The following INTS12 variants were observed in gnomAD, a reference collection of about 807,000 sequenced individuals.
INTS12 encodes the protein PHD finger protein 22.
INTS12 carries 13 observed loss-of-function variants against 41.6 expected under a neutral mutation model. The ratio of observed to expected loss-of-function variants is 0.31; its 90% CI spans 0.20 to 0.50. INTS12 has a LOEUF of 0.50. Ranked by LOEUF, INTS12 falls within the 20% of genes least tolerant of loss-of-function variation. The pLI, the probability that INTS12 is intolerant of heterozygous loss-of-function variation, is 0.98. For missense variants in INTS12, 432 were observed against 541.6 expected (o/e 0.80, Z 2.01); for synonymous variants, 199 against 191.4 (o/e 1.04, Z -0.33).
At position 105,683,292 on chromosome 4, in the gene INTS12, G is replaced by C; in HGVS notation, c.830C>G (p.Ser277Cys). Residue 277 changes from serine to cysteine, a missense_variant, in exon 8 of 8, where the codon TCT becomes TGT. Ser to Cys is a moderately radical substitution (Grantham distance 112). This residue lies in a region of INTS12 where 258 missense variants were observed against 309.9 expected (regional missense o/e 0.83). Transcript: ENST00000340139. Reference protein sequence around the residue: ...VKTSTVISGNSSSASVSSSVT... With the variant: ...VKTSTVISGNCSSASVSSSVT... The stretch of plus-strand genomic sequence containing the variant: ...TGACGAGGAAACGCTGGCACTAGAA[G>C]AATTTCCTGAAATAACTGTGGATGT... 6.2e-7 allele frequency: 1 copy of C among 1,611,646 alleles called. No individual in the cohort carries two copies. Among genetic ancestry groups the C allele is most frequent in the Middle Eastern group, 1.7e-4 (1 of 6,028 alleles).
rs1578390399 is a variant in INTS12, at chr4:105,700,175, T to C, written c.-9-161A>G. The C allele has an allele frequency of 3.6e-5, 15 of 416,624 alleles. No homozygotes were observed. In the East Asian group the frequency reaches 5.7e-4, roughly 16 times the overall value. 25.8% of individuals were successfully genotyped at this position (416,624 alleles called of 1,614,324 possible). A position where few individuals can be genotyped will look rare whatever the true frequency, so the allele number is the denominator to read the frequency against. ...TTACAAATAAAAGTAAATTTCCTTC[T>C]TATTCCTGACAGGCATTATCTAGTT... On this transcript the variant is annotated intron_variant, in intron 2 of 7. Transcript: ENST00000340139.
At chr4:105,684,655 T>C (rs1731441351) in intron 7 of INTS12, among the ~76,000 whole-genome samples, 1 of 152,162 alleles carries the variant, frequency 6.6e-6, no homozygotes, top group Non-Finnish European at 1.5e-5. Context: ...AACTATCTTA[T>C]GAAGTTATCC....
At chr4:105,683,745 C>T (rs963446863) in intron 7 of INTS12, among the ~76,000 whole-genome samples, 1 of 151,824 alleles carries the variant, frequency 6.6e-6, no homozygotes, top group Non-Finnish European at 1.5e-5. Context: ...GCAAAAATGC[C>T]CATACCCAGA....
intron 6 of INTS12, among the ~76,000 whole-genome samples, chr4:105,690,468 G>T (rs1401599111): frequency 6.6e-6 from 1 of 151,888 alleles, no homozygotes; most frequent in South Asian, 2.1e-4. Context: ...CATATAAGAG[G>T]TAGAATTAGC....
intron 7 of INTS12, among the ~76,000 whole-genome samples, chr4:105,686,008 G>A (rs1249507375): frequency 6.6e-6 from 1 of 152,214 alleles, no homozygotes; most frequent in East Asian, 1.9e-4. Context: ...CTCAAGTAGT[G>A]TGGGGAGCAA....
intron 2 of INTS12, among the ~76,000 whole-genome samples, chr4:105,701,233 C>CTTT (rs57389075): frequency 7.5e-6 from 1 of 132,810 alleles, no homozygotes; most frequent in Non-Finnish European, 1.6e-5. Flanking sequence ...CATCCCTAGG[C>CTTT]TTTTTTTTTT....
At chr4:105,707,646 T>A (rs1372477843) in intron 1 of INTS12, among the ~76,000 whole-genome samples, 2 of 152,222 alleles carry the variant, frequency 1.3e-5, no homozygotes, top group African/African-American at 2.4e-5. Context: ...AATGTTCCTA[T>A]CTGTAAAATT....
At chr4:105,706,978 CT>C (rs1732294093) in intron 1 of INTS12, among the ~76,000 whole-genome samples, 2 of 152,022 alleles carry the variant, frequency 1.3e-5, no homozygotes, top group Admixed American at 1.3e-4. Context: ...AAAATTCTTG[CT>C]GAGAAGTTAG....
chr4:105,694,018 C>A lies in INTS12; in HGVS notation c.310-532G>T, dbSNP rs897452315. Among the ~76,000 whole-genome samples the A allele has an allele frequency of 7.9e-5, 12 of 152,226 alleles. No individual in the cohort carries two copies. In the South Asian group the frequency reaches 2.5e-3, roughly 32 times the overall value. On this transcript the variant is annotated intron_variant, in intron 4 of 7. Coordinates refer to ENST00000340139, the MANE Select transcript of INTS12 (RefSeq NM_020395.4). ...CCTAGTAATGTTGAAGATGTCATAT[C>A]CTATTATATTCACTTATAGGTATAC...
chr4:105,696,283 ACT>A (rs1288199691), intron 3 of INTS12, among the ~76,000 whole-genome samples: 1 of 152,054 alleles, frequency 6.6e-6, no homozygotes, highest in Non-Finnish European at 1.5e-5. Flanking sequence ...CTTTGTAATT[ACT>A]CTCTTACAGG....
At chr4:105,693,032 A>T (rs1384475894) in intron 5 of INTS12, among the ~76,000 whole-genome samples, 1 of 152,224 alleles carries the variant, frequency 6.6e-6, no homozygotes, top group Non-Finnish European at 1.5e-5. Flanking sequence ...TATAATAATC[A>T]CTTTCCCTCT....
intron 4 of INTS12, among the ~76,000 whole-genome samples, chr4:105,694,672 G>A (rs1731798407): frequency 6.6e-6 from 1 of 152,096 alleles, no homozygotes; most frequent in Admixed American, 6.5e-5. Flanking sequence ...ATCTAATGTA[G>A]TTTATGAATA....
At chr4:105,695,024 A>G (rs1269115883) in intron 4 of INTS12, among the ~76,000 whole-genome samples, 1 of 148,686 alleles carries the variant, frequency 6.7e-6, no homozygotes, top group African/African-American at 2.5e-5. Context: ...TCCTGGGCTC[A>G]AGCAATCCTC....
At chr4:105,689,898 C>A (rs570206690) in intron 6 of INTS12, among the ~76,000 whole-genome samples, 1 of 151,920 alleles carries the variant, frequency 6.6e-6, no homozygotes, top group African/African-American at 2.4e-5. Flanking sequence ...AGAGTGAGAC[C>A]CTGTCTCAGA....
At chr4:105,695,801 ATAGT>A (rs1386438349) in intron 3 of INTS12, 133 bp from the exon 4 acceptor site, 7 of 693,986 alleles carry the variant, frequency 1.0e-5, no homozygotes, top group African/African-American at 1.8e-5. Context: ...CCTTTCTTAA[ATAGT>A]TAAATAGCTT....
At chr4:105,687,913 A>C (rs1014543929) in intron 6 of INTS12, among the ~76,000 whole-genome samples, 3 of 152,124 alleles carry the variant, frequency 2.0e-5, no homozygotes, top group African/African-American at 7.2e-5. Context: ...AGATCGCACC[A>C]CTGCCCTCCA....
At chr4:105,708,497 C>T in intron 1 of INTS12, 141 bp downstream of exon 1, 4 of 985,450 alleles carry the variant, frequency 4.1e-6, no homozygotes, top group Non-Finnish European at 4.8e-6. Flanking sequence ...CAGTCTAGGG[C>T]ACGCAACCGC....
At chr4:105,690,844 G>C (rs1489513475) in intron 6 of INTS12, among the ~76,000 whole-genome samples, 1 of 152,070 alleles carries the variant, frequency 6.6e-6, no homozygotes, top group Non-Finnish European at 1.5e-5. Context: ...AATTCTTAGT[G>C]GTTTCTTATC....
At chr4:105,684,263 T>C (rs1731427244) in intron 7 of INTS12, among the ~76,000 whole-genome samples, 1 of 152,192 alleles carries the variant, frequency 6.6e-6, no homozygotes, top group African/African-American at 2.4e-5. Flanking sequence ...CAAATGTACG[T>C]ATTCAAATTA....
Sources: allele counts gnomAD v4.1 joint callset (sites outside exome capture counted in the v4.1 genomes callset), GRCh38; gene constraint gnomAD v4.1.1; regional missense constraint gnomAD v4.1.1; transcripts MANE v1.5; gene names NCBI Gene and HGNC (gene_info 2026-07-23, HGNC 2026-07-21).